Variants in ZNF385B observed in about 807,000 individuals in gnomAD.
The protein encoded by ZNF385B is zinc finger protein 385B.
In ZNF385B, 23 loss-of-function variants were observed where a neutral mutation model predicts 39.2. That is an observed-to-expected ratio of 0.59 (90% CI 0.42 to 0.83). The LOEUF (loss-of-function observed/expected upper bound fraction) is 0.83. Ranked by LOEUF, ZNF385B falls within the 40% of genes least tolerant of loss-of-function variation. The probability of loss-of-function intolerance (pLI) is 0.00; values close to 1 mark genes in which losing one functional copy is unlikely to be tolerated. For missense variants in ZNF385B, 552 were observed against 598.9 expected (o/e 0.92, Z 0.82); for synonymous variants, 205 against 222.6 (o/e 0.92, Z 0.70).
intron 1 of ZNF385B, among the ~76,000 whole-genome samples, chr2:179,786,245 CT>C (rs1351959464): frequency 1.3e-5 from 2 of 152,004 alleles, no homozygotes; most frequent in African/African-American, 4.8e-5. Context: ...GTGTGGCTTG[CT>C]TTATTAGGAT....
At chr2:179,475,251 ATT>A (rs767500606) in intron 6 of ZNF385B, among the ~76,000 whole-genome samples, 11,836 of 136,826 alleles carry the variant, frequency 0.087, 470 homozygotes, top group Non-Finnish European at 0.12. Context: ...TTATCGCACA[ATT>A]TTTTTTTTTT....
intron 5 of ZNF385B, among the ~76,000 whole-genome samples, chr2:179,493,587 A>G (rs551408236): frequency 1.6e-4 from 23 of 145,766 alleles, no homozygotes; most frequent in African/African-American, 5.0e-4. Flanking sequence ...GTGTATGTGT[A>G]CATATATGCG....
chr2:179,450,692 C>T lies in ZNF385B; in HGVS notation c.716-3922G>A, dbSNP rs561437189. 5.3e-3 allele frequency among the ~76,000 whole-genome samples: 807 copies of T among 151,906 alleles called. 9 individuals carry two copies. Among genetic ancestry groups the T allele is most frequent in the African/African-American group, 0.018 (747 of 41,396 alleles). On this transcript the variant is annotated intron_variant, in intron 6 of 9. Transcript: ENST00000410066. ...TCAACCATTGTGGAAGTCAGTGTGGCGATTCCTCAGGGATCTAGAACTAGA... is the reference window on the plus strand; with the variant it reads ...TCAACCATTGTGGAAGTCAGTGTGGTGATTCCTCAGGGATCTAGAACTAGA...
At chr2:179,816,469 C>T (rs191548006) in intron 1 of ZNF385B, among the ~76,000 whole-genome samples, 60 of 152,312 alleles carry the variant, frequency 3.9e-4, no homozygotes, top group African/African-American at 1.4e-3. Flanking sequence ...CTTCTGCTCA[C>T]AAGTCTCTAA....
intron 1 of ZNF385B, among the ~76,000 whole-genome samples, chr2:179,785,059 AC>A (rs1381569426): frequency 6.6e-6 from 1 of 152,124 alleles, no homozygotes; most frequent in East Asian, 1.9e-4. Context: ...TAATGTATTT[AC>A]CCATTCACAG....
intron 3 of ZNF385B, among the ~76,000 whole-genome samples, chr2:179,719,362 G>A (rs937190086): frequency 6.6e-6 from 1 of 152,124 alleles, no homozygotes; most frequent in African/African-American, 2.4e-5. Context: ...CCTGCACCCA[G>A]GTGAAAGGTG....
chr2:179,775,399 G>GGA (rs1257150269), intron 1 of ZNF385B, among the ~76,000 whole-genome samples: 1 of 152,190 alleles, frequency 6.6e-6, no homozygotes, highest in Non-Finnish European at 1.5e-5. Flanking sequence ...AAGTGACTGT[G>GGA]GAGAACTCTC....
At chr2:179,593,910 G>A (rs1687781369) in intron 3 of ZNF385B, among the ~76,000 whole-genome samples, 1 of 152,152 alleles carries the variant, frequency 6.6e-6, no homozygotes, top group Admixed American at 6.5e-5. Context: ...TCTTTCTCCT[G>A]TCAAGAGTGT....
intron 4 of ZNF385B, among the ~76,000 whole-genome samples, chr2:179,533,038 G>T (rs902098631): frequency 2.6e-5 from 4 of 152,160 alleles, no homozygotes; most frequent in African/African-American, 9.7e-5. Context: ...ACCGACTCCA[G>T]GAAATTCTGA....
chr2:179,466,938 A>AG (rs1559276716), intron 6 of ZNF385B, among the ~76,000 whole-genome samples: 10 of 148,696 alleles, frequency 6.7e-5, no homozygotes, highest in African/African-American at 2.2e-4. Context: ...AAAAAAAAAA[A>AG]AAAAAAGAGA....
chr2:179,859,121 C>A (rs1296362871), intron 1 of ZNF385B, among the ~76,000 whole-genome samples: 1 of 152,076 alleles, frequency 6.6e-6, no homozygotes, highest in Admixed American at 6.5e-5. Flanking sequence ...ATGCTTTGAT[C>A]GATCCTCATT....
chr2:179,616,152 C>A (rs1689716101), intron 3 of ZNF385B, among the ~76,000 whole-genome samples: 1 of 152,146 alleles, frequency 6.6e-6, no homozygotes, highest in Non-Finnish European at 1.5e-5. Context: ...ACCTCAGTTT[C>A]CTCATCTCTT....
At chr2:179,493,633 A>ATATG (rs2055606420) in intron 5 of ZNF385B, among the ~76,000 whole-genome samples, 1 of 108,392 alleles carries the variant, frequency 9.2e-6, no homozygotes, top group African/African-American at 3.4e-5. Context: ...GTATACGCAT[A>ATATG]TGTATACACA....
At chr2:179,809,487 C>CGT (rs2106564791) in intron 1 of ZNF385B, among the ~76,000 whole-genome samples, 1 of 152,140 alleles carries the variant, frequency 6.6e-6, no homozygotes, top group East Asian at 1.9e-4. Context: ...GAAATATACA[C>CGT]ATAAGACCCA....
intron 6 of ZNF385B, among the ~76,000 whole-genome samples, chr2:179,449,295 G>A (rs767916262): frequency 5.2e-4 from 79 of 152,086 alleles, no homozygotes; most frequent in Non-Finnish European, 8.1e-4. Flanking sequence ...ACATTTTTAA[G>A]GTTTCGAAGG....
At chr2:179,475,834 T>C (rs1327643635) in intron 6 of ZNF385B, among the ~76,000 whole-genome samples, 1 of 150,618 alleles carries the variant, frequency 6.6e-6, no homozygotes, top group East Asian at 2.0e-4. Flanking sequence ...CTGGCTAACA[T>C]GGGTAAACCC....
intron 3 of ZNF385B, among the ~76,000 whole-genome samples, chr2:179,551,205 C>G (rs1165624123): frequency 2.0e-5 from 3 of 151,960 alleles, no homozygotes; most frequent in Non-Finnish European, 4.4e-5. Context: ...TTTCATGTCA[C>G]TGAATGCATA....
chr2:179,838,141 C>A (rs1708351653), intron 1 of ZNF385B, among the ~76,000 whole-genome samples: 2 of 152,066 alleles, frequency 1.3e-5, no homozygotes. Context: ...AATAAGAATT[C>A]TTGTGTTATA....
At chr2:179,771,893 G>A (rs1043172475) in intron 1 of ZNF385B, among the ~76,000 whole-genome samples, 2 of 152,096 alleles carry the variant, frequency 1.3e-5, no homozygotes, top group East Asian at 1.9e-4. Flanking sequence ...CTTGCAGAAC[G>A]AGGCCAGGCA....
Sources: gnomAD v4.1 joint callset for allele counts (sites outside exome capture counted in the v4.1 genomes callset) on GRCh38, gnomAD v4.1.1 for gene constraint, MANE v1.5 for transcripts, NCBI Gene and HGNC (gene_info 2026-07-23, HGNC 2026-07-21) for gene names.